The following SCUBE1 variants were observed in gnomAD, a reference collection of about 807,000 sequenced individuals.
SCUBE1 encodes signal peptide, CUB and EGF-like domain-containing protein 1.
SCUBE1 carries 59 observed loss-of-function variants against 124.4 expected under a neutral mutation model. The observed-to-expected ratio is 0.47, with a 90% CI of 0.38 to 0.59. SCUBE1 has a LOEUF of 0.59. Ranked by LOEUF, SCUBE1 falls within the 20% of genes least tolerant of loss-of-function variation. The pLI is 0.00. For synonymous variants in SCUBE1, 545 were observed against 550.9 expected (o/e 0.99, Z 0.15); for missense variants, 1,150 against 1,371.2 (o/e 0.84, Z 2.55).
At chr22:43,328,662 C>T (rs1455575219) in intron 2 of SCUBE1, among the ~76,000 whole-genome samples, 2 of 152,178 alleles carry the variant, frequency 1.3e-5, no homozygotes, top group Non-Finnish European at 2.9e-5. Context: ...AGGCTCTCAG[C>T]TTGGGCTTCT....
chr22:43,227,648 C>T (rs1007608618), intron 9 of SCUBE1, 152 bp from the exon 10 acceptor site: 27 of 915,334 alleles, frequency 2.9e-5, no homozygotes, highest in African/African-American at 1.3e-4. Flanking sequence ...ACACGCCACA[C>T]GCACACACAC....
chr22:43,225,527 G>A (rs139007), intron 10 of SCUBE1, among the ~76,000 whole-genome samples: 114,017 of 150,518 alleles, frequency 0.76, 44,061 homozygotes, highest in African/African-American at 0.92. Context: ...CTGCAATCCC[G>A]GCACTTTGGG....
chr22:43,264,154 C>T (rs1182710609), intron 4 of SCUBE1, among the ~76,000 whole-genome samples: 1 of 152,230 alleles, frequency 6.6e-6, no homozygotes, highest in Non-Finnish European at 1.5e-5. Context: ...CTCTCACAAG[C>T]TGAGACAAGC....
intron 6 of SCUBE1, among the ~76,000 whole-genome samples, chr22:43,257,120 C>T (rs890095649): frequency 6.6e-6 from 1 of 152,238 alleles, no homozygotes; most frequent in Non-Finnish European, 1.5e-5. Context: ...ATGATGACAG[C>T]CCCGGACTAC....
intron 3 of SCUBE1, 45 bp downstream of exon 3, chr22:43,319,892 C>G (rs376518770): frequency 1.9e-6 from 3 of 1,602,174 alleles, no homozygotes; most frequent in East Asian, 2.2e-5. Flanking sequence ...AGCAAAGCAA[C>G]AGGCAGGGTG....
chr22:43,229,970 T>C (rs1208249271), intron 8 of SCUBE1, among the ~76,000 whole-genome samples: 5 of 152,200 alleles, frequency 3.3e-5, no homozygotes, highest in Non-Finnish European at 4.4e-5. Context: ...TAAGAGTTCA[T>C]TCTTTGAAAA....
intron 6 of SCUBE1, among the ~76,000 whole-genome samples, chr22:43,246,400 T>G (rs1481870605): frequency 1.3e-5 from 2 of 152,120 alleles, no homozygotes; most frequent in Non-Finnish European, 2.9e-5. Context: ...GCTGGGCCAG[T>G]GCTCTTCCGT....
intron 3 of SCUBE1, among the ~76,000 whole-genome samples, chr22:43,306,039 G>A (rs900490709): frequency 1.3e-5 from 2 of 152,190 alleles, no homozygotes; most frequent in African/African-American, 4.8e-5. Flanking sequence ...ACCTGTCCCG[G>A]TGCTGGGGGA....
chr22:43,220,372 G>A, intron 14 of SCUBE1, 78 bp downstream of exon 14: 5 of 1,517,570 alleles, frequency 3.3e-6, no homozygotes, highest in Non-Finnish European at 3.6e-6. Flanking sequence ...CTTCATGCCT[G>A]GCAGGCCCCC....
At chr22:43,276,634 G>A (rs747841237) in intron 4 of SCUBE1, among the ~76,000 whole-genome samples, 16 of 152,176 alleles carry the variant, frequency 1.1e-4, no homozygotes, top group East Asian at 1.9e-4. Flanking sequence ...GGTGGTTTCC[G>A]AACCCACACT....
rs1182662049 is a variant in SCUBE1, at chr22:43,202,099, T to C, written c.*1898A>G. The C allele has an allele frequency of 6.6e-6, 1 of 152,296 alleles. No homozygotes were observed. Among genetic ancestry groups the C allele is most frequent in the African/African-American group, 2.4e-5 (1 of 41,462 alleles). The allele number at this position is 152,296 out of a possible 1,614,324, so 9.4% of individuals were successfully genotyped here. On this transcript the variant is annotated 3_prime_UTR_variant, in exon 22 of 22. Coordinates refer to ENST00000360835, the MANE Select transcript of SCUBE1 (RefSeq NM_173050.5). ...GGACTTCAGCAGAGAAGGCAGCTGATGGCAGCAGGAGCCACGCCGCGGAGC... is the reference window on the plus strand; with the variant it reads ...GGACTTCAGCAGAGAAGGCAGCTGACGGCAGCAGGAGCCACGCCGCGGAGC...
intron 3 of SCUBE1, among the ~76,000 whole-genome samples, chr22:43,314,734 A>G (rs2146778627): frequency 6.6e-6 from 1 of 152,160 alleles, no homozygotes; most frequent in East Asian, 1.9e-4. Context: ...TGTGGGGTGG[A>G]GCCGAGGGTG....
intron 3 of SCUBE1, among the ~76,000 whole-genome samples, chr22:43,310,392 C>T (rs1352262917): frequency 6.6e-6 from 1 of 152,208 alleles, no homozygotes; most frequent in Non-Finnish European, 1.5e-5. Flanking sequence ...ATTCTGTCGT[C>T]TTAGGACCCA....
chr22:43,221,587 A>G (rs1922093421), intron 12 of SCUBE1, among the ~76,000 whole-genome samples: 1 of 152,168 alleles, frequency 6.6e-6, no homozygotes, highest in African/African-American at 2.4e-5. Context: ...CCCATCAGCA[A>G]GCCATGATTG....
chr22:43,233,182 C>T (rs139018), intron 7 of SCUBE1, among the ~76,000 whole-genome samples: 55,336 of 151,884 alleles, frequency 0.36, 10,353 homozygotes, highest in South Asian at 0.48. Flanking sequence ...CTGGCCAACG[C>T]GGAGAAACCC....
intron 2 of SCUBE1, among the ~76,000 whole-genome samples, chr22:43,335,503 T>A (rs1927033812): frequency 6.6e-6 from 1 of 152,284 alleles, no homozygotes; most frequent in Non-Finnish European, 1.5e-5. Context: ...ATTGTTCTCA[T>A]ACTGTTAACA....
At chr22:43,230,235 C>T (rs987050355) in intron 8 of SCUBE1, among the ~76,000 whole-genome samples, 6 of 152,088 alleles carry the variant, frequency 3.9e-5, no homozygotes, top group East Asian at 1.9e-4. Context: ...CCAGGGGATG[C>T]ACCTGTTCCC....
intron 3 of SCUBE1, among the ~76,000 whole-genome samples, chr22:43,310,405 G>A (rs541390924): frequency 2.0e-5 from 3 of 152,284 alleles, no homozygotes; most frequent in South Asian, 2.1e-4. Context: ...AGGACCCAGC[G>A]GCCATGATGT....
Position 43,319,923 on chromosome 22 carries a change from G to A in SCUBE1, c.349+14C>T. 1 of 1,613,848 alleles carries A rather than the reference G, an allele frequency of 6.2e-7. No individual in the cohort carries two copies. The highest frequency in any genetic ancestry group is 1.3e-5 in the African/African-American group (1 of 75,046). On this transcript the variant is annotated intron_variant, in intron 3 of 21. Coordinates refer to ENST00000360835, the MANE Select transcript of SCUBE1 (RefSeq NM_173050.5). ...GGGTGTGCCCAGAGGGTAGGCTACA[G>A]CTGTATCACTCACCCAGGCAGTTGT...
Sources: allele counts gnomAD v4.1 joint callset (sites outside exome capture counted in the v4.1 genomes callset), GRCh38; gene constraint gnomAD v4.1.1; transcripts MANE v1.5; gene names NCBI Gene and HGNC (gene_info 2026-07-23, HGNC 2026-07-21).